The following MIB1 variants were observed in gnomAD, a reference collection of about 807,000 sequenced individuals.
The protein encoded by MIB1 is E3 ubiquitin-protein ligase MIB1.
A neutral mutation model predicts 124.5 loss-of-function variants in MIB1; 278 were observed. That is an observed-to-expected ratio of 2.23 (90% confidence interval 2.02 to 2.47). The LOEUF (loss-of-function observed/expected upper bound fraction) is 2.47, where lower values mean the gene tolerates loss of function less well. Ranked by LOEUF, MIB1 falls within the 30% of genes most tolerant of loss-of-function variation. The pLI, the probability that MIB1 is intolerant of heterozygous loss-of-function variation, is 0.00. For missense variants in MIB1, 957 were observed against 1,254.4 expected (o/e 0.76, Z 3.58); for synonymous variants, 446 against 429.4 (o/e 1.04, Z -0.48).
chr18:21,761,221 A>C (rs1359927154), intron 1 of MIB1, among the ~76,000 whole-genome samples: 2 of 144,978 alleles, frequency 1.4e-5, no homozygotes, highest in African/African-American at 2.4e-5. Flanking sequence ...CGGTCACACA[A>C]AGTGGTTTTT....
intron 10 of MIB1, among the ~76,000 whole-genome samples, chr18:21,813,063 CAT>C (rs1017333794): frequency 2.0e-5 from 3 of 151,984 alleles, no homozygotes; most frequent in African/African-American, 4.8e-5. Flanking sequence ...TTTTGACAAA[CAT>C]ATCAGTTTTT....
chr18:21,847,952 T>C (rs2042148972), intron 16 of MIB1, among the ~76,000 whole-genome samples: 1 of 152,222 alleles, frequency 6.6e-6, no homozygotes, highest in Non-Finnish European at 1.5e-5. Context: ...TGTGCAACTG[T>C]TGTTGCCCTT....
intron 1 of MIB1, among the ~76,000 whole-genome samples, chr18:21,711,732 C>T (rs1411484214): frequency 1.3e-5 from 2 of 152,156 alleles, no homozygotes; most frequent in Non-Finnish European, 2.9e-5. Context: ...TTTGCTCTGT[C>T]ACTCAGGCTG....
intron 9 of MIB1, 36 bp from the exon 10 acceptor site, chr18:21,803,871 C>T: frequency 4.1e-6 from 6 of 1,458,334 alleles, no homozygotes; most frequent in Middle Eastern, 2.0e-4. Context: ...TCTGATTATT[C>T]ATTCATTCTT....
chr18:21,735,332 C>T (rs1402286279), intron 1 of MIB1, among the ~76,000 whole-genome samples: 2 of 152,144 alleles, frequency 1.3e-5, no homozygotes, highest in African/African-American at 4.8e-5. Flanking sequence ...CGGGGTACTC[C>T]GGATCAGATA....
chr18:21,710,339 C>T (rs1374563605), intron 1 of MIB1, among the ~76,000 whole-genome samples: 10 of 151,970 alleles, frequency 6.6e-5, no homozygotes, highest in Admixed American at 5.9e-4. Flanking sequence ...AGTGATCCGC[C>T]CGCCTGAGCC....
At chr18:21,770,054 A>G (rs2041207875) in intron 3 of MIB1, among the ~76,000 whole-genome samples, 1 of 151,888 alleles carries the variant, frequency 6.6e-6, no homozygotes, top group Admixed American at 6.6e-5. Flanking sequence ...AAATACAAAA[A>G]TTAGCCAGGC....
rs960796245 is a variant in MIB1, at chr18:21,870,179, T to C, written c.*5513T>C. On this transcript the variant is annotated 3_prime_UTR_variant, in exon 21 of 21. Coordinates refer to ENST00000261537, the MANE Select transcript of MIB1 (RefSeq NM_020774.4). The stretch of plus-strand genomic sequence containing the variant: ...CCTATGGTGTAATATCATATAATGC[T>C]TTTCTTTGATCTTTGGAGAATTATT... 1 of 152,598 alleles carries C rather than the reference T, an allele frequency of 6.6e-6. No homozygotes were observed. The highest frequency in any genetic ancestry group is 2.4e-5 in the African/African-American group (1 of 41,466). The allele number at this position is 152,598 out of a possible 1,614,324, so 9.5% of individuals were successfully genotyped here.
At chr18:21,739,943 A>AAAG (rs1175353778), upstream of MIB1, among the ~76,000 whole-genome samples, 1 of 151,886 alleles carries the variant, frequency 6.6e-6, no homozygotes, top group African/African-American at 2.4e-5. Flanking sequence ...AACAACAACA[A>AAAG]AAAAAACCAA....
chr18:21,825,152 A>G (rs555620145), intron 12 of MIB1, among the ~76,000 whole-genome samples: 2 of 152,122 alleles, frequency 1.3e-5, no homozygotes, highest in Non-Finnish European at 2.9e-5. Context: ...TCTCCACAAG[A>G]TATTCTACAG....
At chr18:21,842,081 G>T (rs1598638177) in intron 13 of MIB1, among the ~76,000 whole-genome samples, 1 of 91,698 alleles carries the variant, frequency 1.1e-5, no homozygotes, top group South Asian at 4.4e-4. Context: ...GACAGAGTGA[G>T]ACCCTATCTC....
intron 10 of MIB1, among the ~76,000 whole-genome samples, chr18:21,804,602 G>A (rs1490235776): frequency 2.0e-5 from 3 of 152,180 alleles, no homozygotes; most frequent in Non-Finnish European, 2.9e-5. Flanking sequence ...TGTGAAGGAT[G>A]TCTTGCTTTG....
intron 1 of MIB1, among the ~76,000 whole-genome samples, chr18:21,744,627 A>G (rs1598588228): frequency 6.6e-6 from 1 of 152,208 alleles, no homozygotes. Context: ...GTCAGTGTCA[A>G]AGTAATGAAA....
chr18:21,830,956 A>G (rs1035892492), intron 12 of MIB1, among the ~76,000 whole-genome samples: 7 of 152,136 alleles, frequency 4.6e-5, no homozygotes, highest in African/African-American at 1.2e-4. Context: ...TTGGAATGTC[A>G]TATAACAGTC....
rs1476399625 is a variant in MIB1, at chr18:21,741,576, G to C, written c.-8G>C. The stretch of plus-strand genomic sequence containing the variant: ...GCGGCAGCGGCGGAGCCCACCGCCC[G>C]GGCCCCGATGAGTAACTCCCGGAAT... On this transcript the variant is annotated 5_prime_UTR_variant, in exon 1 of 21. Coordinates refer to ENST00000261537, the MANE Select transcript of MIB1 (RefSeq NM_020774.4). This position sits in a 1 kb window ranked among gnomAD's most constrained non-coding sequence, Gnocchi z 5.4. The C allele has an allele frequency of 7.0e-7, 1 of 1,435,032 alleles. No homozygotes were observed. The highest frequency in any genetic ancestry group is 9.1e-7 in the Non-Finnish European group (1 of 1,093,276). The allele number at this position is 1,435,032 out of a possible 1,614,324, so 88.9% of individuals were successfully genotyped here.
At chr18:21,743,640 T>A (rs186476201) in intron 1 of MIB1, among the ~76,000 whole-genome samples, 3 of 152,226 alleles carry the variant, frequency 2.0e-5, no homozygotes, top group Non-Finnish European at 4.4e-5. Flanking sequence ...ACTCTTTTTT[T>A]TTTTGAGACA....
In MIB1 at chr18:21,847,068, T is replaced by A; in HGVS notation, c.2336T>A (p.Leu779His). The change falls in exon 16 of 21, where the codon CTC (leucine) becomes CAC (histidine). Residue 779 changes from leucine to histidine, a missense_variant. Transcript: ENST00000261537. ...RNKKGQSPLD[L>H]CPDPNLCKAL... ...AAGAAGGGTCAATCGCCACTTGATC[T>A]CTGTCCTGATCCGAATCTCTGCAAA... The A allele has an allele frequency of 6.2e-7, 1 of 1,614,178 alleles. No homozygotes were observed. Among genetic ancestry groups the A allele is most frequent in the Non-Finnish European group, 8.5e-7 (1 of 1,180,022 alleles).
chr18:21,717,656 C>G lies in MIB1; in HGVS notation n.167+12533C>G, dbSNP rs573264718. On this transcript the variant is annotated intron_variant and non_coding_transcript_variant, in intron 1 of 20. Transcript: ENST00000578646. ...AAAAATATGAAAAAATCCTCAACAT[C>G]ACTAATGGTCAGGGAAATGCAAATC... 3.3e-5 allele frequency among the ~76,000 whole-genome samples: 5 copies of G among 152,266 alleles called. No individual in the cohort carries two copies. In the East Asian group the frequency reaches 7.7e-4, roughly 23 times the overall value.
At chr18:21,767,256 T>C (rs1288720796) in intron 2 of MIB1, among the ~76,000 whole-genome samples, 3 of 152,148 alleles carry the variant, frequency 2.0e-5, no homozygotes, top group African/African-American at 4.8e-5. Context: ...AGGAAACTTA[T>C]AATCATGGTG....
Sources: allele counts gnomAD v4.1 joint callset (sites outside exome capture counted in the v4.1 genomes callset), GRCh38; gene constraint gnomAD v4.1.1; non-coding constraint Gnocchi (gnomAD v3.1); transcripts MANE v1.5; gene names NCBI Gene and HGNC (gene_info 2026-07-23, HGNC 2026-07-21).